MECOM: variants seen among roughly 807,000 people sequenced by gnomAD.
The protein encoded by MECOM is histone-lysine N-methyltransferase MECOM.
MECOM carries 13 observed loss-of-function variants against 116.3 expected under a neutral mutation model. That is an observed-to-expected ratio of 0.11 (90% CI 0.07 to 0.18). The LOEUF is 0.18. Ranked by LOEUF, MECOM falls within the 10% of genes least tolerant of loss-of-function variation. The pLI is 1.00. For synonymous variants in MECOM, 528 were observed against 535.2 expected, an observed-to-expected ratio of 0.99 and a Z score of 0.19; for missense variants, 1,299 against 1,509.0, an observed-to-expected ratio of 0.86 and a Z score of 2.31.
chr3:169,401,112 G>A (rs1212700646), intron 1 of MECOM, among the ~76,000 whole-genome samples: 2 of 152,120 alleles, frequency 1.3e-5, no homozygotes, highest in Admixed American at 1.3e-4. Flanking sequence ...ATAACCTATG[G>A]GGTCTGCTGT....
chr3:169,475,815 T>G (rs1404575286), intron 1 of MECOM, among the ~76,000 whole-genome samples: 16 of 152,178 alleles, frequency 1.1e-4, no homozygotes, highest in Admixed American at 1.0e-3. Context: ...CAAAGGTATT[T>G]TGAAACATCA....
intron 2 of MECOM, among the ~76,000 whole-genome samples, chr3:169,278,922 A>G (rs962983217): frequency 6.6e-6 from 1 of 152,198 alleles, no homozygotes; most frequent in Non-Finnish European, 1.5e-5. Context: ...AGTACTTTGA[A>G]AGCACCAACA....
At chr3:169,568,367 G>C (rs1763494147) in intron 1 of MECOM, among the ~76,000 whole-genome samples, 1 of 152,002 alleles carries the variant, frequency 6.6e-6, no homozygotes, top group Admixed American at 6.5e-5. Context: ...CTCCGAGACA[G>C]AACTGTTCAC....
intron 1 of MECOM, among the ~76,000 whole-genome samples, chr3:169,568,649 T>C (rs1337921303): frequency 6.6e-6 from 1 of 152,220 alleles, no homozygotes. Context: ...AAAGCCACTG[T>C]AGCCAGACTG....
Position 169,143,848 on chromosome 3 carries a change from T to C in MECOM, c.376-16A>G, listed in dbSNP as rs1738889127. The C allele has an allele frequency of 1.3e-6, 2 of 1,587,600 alleles. No homozygotes were observed. The highest frequency in any genetic ancestry group is 1.8e-5 in the Admixed American group (1 of 56,162). ...CGTCTAAGATCTGGAGGGAAGAAGA[T>C]GAGAACAATCAATTGCCATATTGGC... On this transcript the variant is annotated splice_polypyrimidine_tract_variant and intron_variant, in intron 2 of 16. Transcript: ENST00000651503.
intron 1 of MECOM, among the ~76,000 whole-genome samples, chr3:169,384,672 G>A (rs753230667): frequency 2.0e-5 from 3 of 152,068 alleles, no homozygotes; most frequent in Admixed American, 6.6e-5. Context: ...CCATGTAAGC[G>A]GGAGGAAACC....
chr3:169,543,955 G>T (rs889039925), intron 1 of MECOM, among the ~76,000 whole-genome samples: 1 of 152,214 alleles, frequency 6.6e-6, no homozygotes, highest in East Asian at 1.9e-4. Context: ...GCACAATCTT[G>T]GCTCACTGCA....
At chr3:169,550,152 T>C (rs974161686) in intron 1 of MECOM, among the ~76,000 whole-genome samples, 4 of 152,120 alleles carry the variant, frequency 2.6e-5, no homozygotes, top group African/African-American at 7.2e-5. Context: ...GTCATAAAAA[T>C]TATTACAGTT....
At chr3:169,126,312 C>T (rs1484281267) in intron 5 of MECOM, among the ~76,000 whole-genome samples, 4 of 152,028 alleles carry the variant, frequency 2.6e-5, no homozygotes, top group Non-Finnish European at 5.9e-5. Flanking sequence ...TTTAGTTGGT[C>T]AATTTTTGCT....
chr3:169,201,631 A>G (rs1577331376), intron 2 of MECOM, among the ~76,000 whole-genome samples: 1 of 152,030 alleles, frequency 6.6e-6, no homozygotes, highest in Non-Finnish European at 1.5e-5. Flanking sequence ...TTTTTGGTGG[A>G]TTTTTCACCA....
intron 1 of MECOM, among the ~76,000 whole-genome samples, chr3:169,480,282 T>C (rs558313699): frequency 2.0e-5 from 3 of 152,336 alleles, no homozygotes; most frequent in South Asian, 2.1e-4. Flanking sequence ...CCTCAAAGCA[T>C]TGGGCTCTAC....
intron 2 of MECOM, among the ~76,000 whole-genome samples, chr3:169,266,522 G>C (rs1758326186): frequency 6.6e-6 from 1 of 152,094 alleles, no homozygotes; most frequent in African/African-American, 2.4e-5. Flanking sequence ...TTTGTTTCCA[G>C]GCTCACTTCC....
At chr3:169,226,677 C>T (rs1577396800) in intron 2 of MECOM, among the ~76,000 whole-genome samples, 1 of 152,262 alleles carries the variant, frequency 6.6e-6, no homozygotes, top group Admixed American at 6.5e-5. Context: ...TAGATGTATT[C>T]TCTTTGTTCA....
At chr3:169,434,736 T>A (rs1742353758) in intron 1 of MECOM, among the ~76,000 whole-genome samples, 1 of 152,166 alleles carries the variant, frequency 6.6e-6, no homozygotes, top group Non-Finnish European at 1.5e-5. Context: ...AGAGAGGAGA[T>A]GTTTTTATTT....
intron 1 of MECOM, among the ~76,000 whole-genome samples, chr3:169,577,832 G>A (rs1764691408): frequency 6.6e-6 from 1 of 152,150 alleles, no homozygotes. Flanking sequence ...TGGAGGAGAT[G>A]GGAGAGGTAA....
At chr3:169,371,546 T>G (rs1228050933) in intron 2 of MECOM, among the ~76,000 whole-genome samples, 1 of 150,212 alleles carries the variant, frequency 6.7e-6, no homozygotes, top group East Asian at 2.0e-4. Context: ...CACACACACA[T>G]AACTACATGA....
intron 7 of MECOM, among the ~76,000 whole-genome samples, chr3:169,117,597 G>A (rs1047582177): frequency 6.6e-6 from 1 of 152,208 alleles, no homozygotes; most frequent in African/African-American, 2.4e-5. Context: ...TCTCAGGCTT[G>A]ACTTCTGTGT....
chr3:169,308,210 A>G (rs1293534272), intron 2 of MECOM, among the ~76,000 whole-genome samples: 1 of 152,194 alleles, frequency 6.6e-6, no homozygotes, highest in East Asian at 1.9e-4. Flanking sequence ...TGCTGGGCCT[A>G]TGTATTTTAC....
At chr3:169,439,935 A>T (rs1026433300) in intron 1 of MECOM, among the ~76,000 whole-genome samples, 1 of 152,206 alleles carries the variant, frequency 6.6e-6, no homozygotes, top group Non-Finnish European at 1.5e-5. Flanking sequence ...CCAGGAAAAA[A>T]TTTCTAACTC....
Sources: allele counts gnomAD v4.1 joint callset (sites outside exome capture counted in the v4.1 genomes callset), GRCh38; gene constraint gnomAD v4.1.1; transcripts MANE v1.5; gene names NCBI Gene and HGNC (gene_info 2026-07-23, HGNC 2026-07-21).